FHIT: variants seen among roughly 807,000 people sequenced by gnomAD.
FHIT encodes fragile histidine triad diadenosine triphosphatase.
Under a neutral mutation model 17.9 loss-of-function variants are expected in FHIT, and 19 were observed. The observed-to-expected ratio is 1.06, with a 90% CI of 0.74 to 1.56. The LOEUF is 1.56. Among genes scored for constraint, FHIT ranks in the 40% most tolerant of loss-of-function variants. The pLI, the probability that FHIT is intolerant of heterozygous loss-of-function variation, is 0.00. For missense variants in FHIT, 248 were observed against 189.2 expected (o/e 1.31, Z -1.82); for synonymous variants, 81 against 69.7 (o/e 1.16, Z -0.81).
intron 8 of FHIT, among the ~76,000 whole-genome samples, chr3:59,922,057 A>G (rs373036963): frequency 5.3e-5 from 8 of 152,320 alleles, no homozygotes; most frequent in Admixed American, 4.6e-4. Context: ...ATTCTGGGCC[A>G]TATCTCCATG....
intron 8 of FHIT, among the ~76,000 whole-genome samples, chr3:59,761,675 C>T (rs957516105): frequency 2.6e-5 from 4 of 151,484 alleles, no homozygotes; most frequent in African/African-American, 4.9e-5. Context: ...GGCATGATCT[C>T]GGCTCACTGC....
chr3:60,186,291 T>G (rs1702154880), intron 5 of FHIT, among the ~76,000 whole-genome samples: 1 of 152,188 alleles, frequency 6.6e-6, no homozygotes, highest in African/African-American at 2.4e-5. Context: ...CATTTGAGTT[T>G]TTTTGTGACA....
intron 5 of FHIT, among the ~76,000 whole-genome samples, chr3:60,455,746 CCTGCTTGATTTGTGGTAGTAG>C (rs1369501122): frequency 6.6e-6 from 1 of 151,866 alleles, no homozygotes; most frequent in East Asian, 1.9e-4. Flanking sequence ...GAATGACTTC[CCTGCTTGATTTGTGGTAGTAG>C]CTGCATGCCC....
intron 4 of FHIT, among the ~76,000 whole-genome samples, chr3:60,573,336 C>A (rs1290401389): frequency 2.6e-5 from 4 of 152,154 alleles, no homozygotes; most frequent in Admixed American, 6.5e-5. Context: ...AAGCACCCAT[C>A]TCCTTTAGAA....
intron 3 of FHIT, among the ~76,000 whole-genome samples, chr3:60,887,218 ACTT>A (rs1397318434): frequency 1.3e-5 from 2 of 152,102 alleles, no homozygotes; most frequent in African/African-American, 4.8e-5. Context: ...GTCTAGAATG[ACTT>A]CTTCCGATCC....
intron 5 of FHIT, among the ~76,000 whole-genome samples, chr3:60,059,841 C>T (rs949107820): frequency 1.3e-5 from 2 of 152,154 alleles, no homozygotes; most frequent in Non-Finnish European, 2.9e-5. Flanking sequence ...ATAAGTTTAC[C>T]TTTTCCTTAT....
intron 4 of FHIT, among the ~76,000 whole-genome samples, chr3:60,588,536 A>C (rs1232889884): frequency 1.3e-5 from 2 of 152,028 alleles, no homozygotes; most frequent in Non-Finnish European, 2.9e-5. Context: ...CATCTGCATT[A>C]GAATCTTCTC....
At chr3:60,138,975 T>G (rs998224140) in intron 5 of FHIT, among the ~76,000 whole-genome samples, 5 of 152,148 alleles carry the variant, frequency 3.3e-5, no homozygotes, top group African/African-American at 1.2e-4. Flanking sequence ...TCAGTGGCCC[T>G]TCACTGAGTG....
chr3:60,319,755 C>G (rs1709335576), intron 5 of FHIT, among the ~76,000 whole-genome samples: 1 of 152,144 alleles, frequency 6.6e-6, no homozygotes, highest in Admixed American at 6.5e-5. Context: ...GGCTGTTTCT[C>G]CCCAGCAGTG....
intron 4 of FHIT, among the ~76,000 whole-genome samples, chr3:60,637,930 GT>G (rs1577011353): frequency 6.6e-6 from 1 of 152,272 alleles, no homozygotes; most frequent in East Asian, 1.9e-4. Context: ...AAATTTTGTT[GT>G]GGAAAGCTAT....
At chr3:60,053,925 T>C (rs972433371) in intron 5 of FHIT, among the ~76,000 whole-genome samples, 4 of 152,210 alleles carry the variant, frequency 2.6e-5, no homozygotes, top group Non-Finnish European at 5.9e-5. Context: ...AACATGCTTA[T>C]AAATCTATCC....
chr3:60,368,728 C>G (rs1365530220), intron 5 of FHIT, among the ~76,000 whole-genome samples: 1 of 151,900 alleles, frequency 6.6e-6, no homozygotes, highest in African/African-American at 2.4e-5. Flanking sequence ...TTTTTGTGTG[C>G]TCTTTAAGAA....
chr3:60,019,610 G>T (rs141508930), intron 5 of FHIT, among the ~76,000 whole-genome samples: 3,740 of 152,006 alleles, frequency 0.025, 142 homozygotes, highest in African/African-American at 0.083. Context: ...TAGAGATGGG[G>T]TTTCTCCACG....
chr3:60,871,149 C>T (rs1704399902), intron 3 of FHIT, among the ~76,000 whole-genome samples: 3 of 152,138 alleles, frequency 2.0e-5, no homozygotes, highest in South Asian at 4.1e-4. Context: ...ATATCTGCAG[C>T]TCTTGCATGC....
At chr3:60,328,948 C>G (rs2106842339) in intron 5 of FHIT, among the ~76,000 whole-genome samples, 1 of 152,298 alleles carries the variant, frequency 6.6e-6, no homozygotes, top group South Asian at 2.1e-4. Context: ...TTAGTCGATT[C>G]AGGACCTCAA....
intron 4 of FHIT, among the ~76,000 whole-genome samples, chr3:60,766,427 T>C (rs559424749): frequency 6.6e-6 from 1 of 152,022 alleles, no homozygotes; most frequent in South Asian, 2.1e-4. Flanking sequence ...CAACACAGAC[T>C]CTTTATTTCT....
rs150211421 is a variant in FHIT at position 61,041,601 on chromosome 3, T to G, written c.-111+446A>C. On this transcript the variant is annotated intron_variant, in intron 3 of 9. Coordinates refer to ENST00000492590, the MANE Select transcript of FHIT (RefSeq NM_002012.4). ...TCTGACAAACTCACAATTGCTGATA[T>G]CTACCCTTTCCTCCTTACGAAGATA... 7.2e-4 allele frequency among the ~76,000 whole-genome samples: 109 copies of G among 152,132 alleles called. 1 individual carries two copies. The East Asian group carries it at 0.02, about 27-fold the overall frequency.
chr3:60,710,729 C>G (rs551820163), intron 4 of FHIT, among the ~76,000 whole-genome samples: 1 of 152,306 alleles, frequency 6.6e-6, no homozygotes, highest in East Asian at 1.9e-4. Flanking sequence ...AAGGGGCGAC[C>G]GCCATTGCCC....
chr3:60,685,490 C>G (rs1324808480), intron 4 of FHIT, among the ~76,000 whole-genome samples: 1 of 152,050 alleles, frequency 6.6e-6, no homozygotes, highest in Non-Finnish European at 1.5e-5. Flanking sequence ...GAAGGTTACT[C>G]GAAGCCAGCT....
Sources: allele counts gnomAD v4.1 joint callset (sites outside exome capture counted in the v4.1 genomes callset), GRCh38; gene constraint gnomAD v4.1.1; transcripts MANE v1.5; gene names NCBI Gene and HGNC (gene_info 2026-07-23, HGNC 2026-07-21).